The following MAGI3 variants were observed in gnomAD, a reference collection of about 807,000 sequenced individuals.
The protein encoded by MAGI3 is membrane associated guanylate kinase, WW and PDZ domain containing 3.
MAGI3 carries 43 observed loss-of-function variants against 121.8 expected under a neutral mutation model. The ratio of observed to expected loss-of-function variants is 0.35; its 90% CI spans 0.28 to 0.46. The LOEUF is 0.46. Ranked by LOEUF, MAGI3 falls within the 20% of genes least tolerant of loss-of-function variation. The probability of loss-of-function intolerance (pLI) is 1.00; values close to 1 mark genes in which losing one functional copy is unlikely to be tolerated. For missense variants in MAGI3, 1,547 were observed against 1,797.3 expected, an observed-to-expected ratio of 0.86 and a Z score of 2.52; for synonymous variants, 553 against 639.3, an observed-to-expected ratio of 0.86 and a Z score of 2.04.
At chr1:113,586,673 T>C (rs1003037321) in intron 4 of MAGI3, among the ~76,000 whole-genome samples, 5 of 152,218 alleles carry the variant, frequency 3.3e-5, no homozygotes, top group South Asian at 4.1e-4. Flanking sequence ...AATGTTGATA[T>C]CAGCTTTGCT....
chr1:113,666,404 A>G (rs890355250), intron 16 of MAGI3, among the ~76,000 whole-genome samples: 5 of 152,242 alleles, frequency 3.3e-5, no homozygotes, highest in Non-Finnish European at 5.9e-5. Context: ...CAGTGTTCAC[A>G]GCATCTTCAC....
chr1:113,528,745 C>T (rs933765849), intron 1 of MAGI3, among the ~76,000 whole-genome samples: 1 of 152,104 alleles, frequency 6.6e-6, no homozygotes, highest in East Asian at 1.9e-4. Flanking sequence ...AAATGAACAA[C>T]ATAATTACTT....
At chr1:113,654,631 T>G (rs1653370072) in intron 15 of MAGI3, among the ~76,000 whole-genome samples, 1 of 152,158 alleles carries the variant, frequency 6.6e-6, no homozygotes, top group Admixed American at 6.5e-5. Context: ...ATCCAGAAGA[T>G]GAATGTATTT....
intron 2 of MAGI3, among the ~76,000 whole-genome samples, chr1:113,564,583 A>T (rs1660363000): frequency 6.6e-6 from 1 of 151,990 alleles, no homozygotes; most frequent in Non-Finnish European, 1.5e-5. Context: ...ACTTAAGGAG[A>T]CATTGGTTGG....
rs182983223 is a variant in MAGI3 at position 113,543,998 on chromosome 1, G to A, written c.317-5517G>A. On this transcript the variant is annotated intron_variant, in intron 1 of 20. Coordinates refer to ENST00000307546, the MANE Select transcript of MAGI3 (RefSeq NM_001142782.2). ...GGCCTTTAGATAGCTGACAATTTAG[G>A]TTTAACAATGTATATGGTATTTTTG... 3.3e-5 allele frequency among the ~76,000 whole-genome samples: 5 copies of A among 152,136 alleles called. No individual in the cohort carries two copies. The East Asian group carries it at 9.6e-4, about 29-fold the overall frequency.
chr1:113,469,422 C>CT (rs1241912896), intron 1 of MAGI3, among the ~76,000 whole-genome samples: 3 of 152,012 alleles, frequency 2.0e-5, no homozygotes, highest in Non-Finnish European at 2.9e-5. Flanking sequence ...TTTGATGCCT[C>CT]TTTTGCTTTC....
Position 113,649,258 on chromosome 1 carries a change from A to G in MAGI3, c.2177A>G (p.Asp726Gly), listed in dbSNP as rs781617022. 1 of 1,613,416 alleles carries G rather than the reference A, an allele frequency of 6.2e-7. No individual in the cohort carries two copies. The highest frequency in any genetic ancestry group is 1.1e-5 in the South Asian group (1 of 90,892). Residue 726 changes from aspartate (D) to glycine (G), a missense_variant, in exon 13 of 21, where the codon GAT becomes GGT. Coordinates refer to ENST00000307546, the MANE Select transcript of MAGI3 (RefSeq NM_001142782.2). ...TCAGCACCAAACACCAAAGATTTGG[A>G]TGTTTTTCTTCGAAAACAAGAGTCA... Reference protein sequence around the residue: ...EDKPPNTKDLDVFLRKQESGF... With the variant: ...EDKPPNTKDLGVFLRKQESGF...
chr1:113,642,579 T>C, intron 10 of MAGI3, 63 bp downstream of exon 10: 1 of 1,515,674 alleles, frequency 6.6e-7, no homozygotes. Context: ...ACTGATTGTC[T>C]TTCCTTACAG....
Position 113,391,516 on chromosome 1 carries a change from C to G in MAGI3, c.316+167C>G, listed in dbSNP as rs1309996898. 6.6e-6 allele frequency among the ~76,000 whole-genome samples: 1 copy of G among 152,054 alleles called. No homozygotes were observed. Among genetic ancestry groups the G allele is most frequent in the African/African-American group, 2.4e-5 (1 of 41,416 alleles). The stretch of plus-strand genomic sequence containing the variant: ...GGGGAGGGGTGGCGTTGGTGAGTCC[C>G]ATTTTGCCGAAGGGAAAACTGAGCT... On this transcript the variant is annotated intron_variant, in intron 1 of 20. Coordinates refer to ENST00000307546, the MANE Select transcript of MAGI3 (RefSeq NM_001142782.2). The surrounding 1 kb of genome is among the most constrained non-coding windows in gnomAD (Gnocchi z 4.4).
rs1052017586 is a variant in MAGI3 at position 113,486,938 on chromosome 1, T to G, written c.317-62577T>G. 6.0e-4 allele frequency among the ~76,000 whole-genome samples: 91 copies of G among 152,180 alleles called. 1 individual carries two copies. The highest frequency in any genetic ancestry group is 1.2e-4 in the Non-Finnish European group (8 of 68,020). ...GTTGCCCAGGCTGGTTGCAAACTCT[T>G]GGCCTCAAGCAATACTCCTGCCTTG... On this transcript the variant is annotated intron_variant, in intron 1 of 20. Coordinates refer to ENST00000307546, the MANE Select transcript of MAGI3 (RefSeq NM_001142782.2).
intron 1 of MAGI3, among the ~76,000 whole-genome samples, chr1:113,538,566 A>G (rs1464508041): frequency 6.6e-6 from 1 of 152,206 alleles, no homozygotes; most frequent in Non-Finnish European, 1.5e-5. Flanking sequence ...CTAAATGTTC[A>G]TAATCCCATA....
chr1:113,526,183 C>T (rs1658439500), intron 1 of MAGI3, among the ~76,000 whole-genome samples: 1 of 152,056 alleles, frequency 6.6e-6, no homozygotes, highest in Non-Finnish European at 1.5e-5. Context: ...TTCCTGTTCT[C>T]CTAATGTTTG....
intron 1 of MAGI3, among the ~76,000 whole-genome samples, chr1:113,452,320 G>T (rs939789246): frequency 3.3e-5 from 5 of 152,046 alleles, no homozygotes; most frequent in African/African-American, 9.7e-5. Flanking sequence ...CTTCATTGCA[G>T]AATTTTAGTC....
chr1:113,503,358 G>A (rs183489659), intron 1 of MAGI3, among the ~76,000 whole-genome samples: 55 of 132,014 alleles, frequency 4.2e-4, no homozygotes, highest in Non-Finnish European at 5.0e-4. Flanking sequence ...AACCAGATTC[G>A]AGAAAACAGT....
intron 1 of MAGI3, among the ~76,000 whole-genome samples, chr1:113,432,018 G>A (rs190330658): frequency 6.6e-6 from 1 of 152,282 alleles, no homozygotes; most frequent in Admixed American, 6.5e-5. Flanking sequence ...GACTAGTGAA[G>A]CAGAATATAG....
chr1:113,555,425 TA>T (rs1659947380), intron 2 of MAGI3, among the ~76,000 whole-genome samples: 1 of 152,136 alleles, frequency 6.6e-6, no homozygotes, highest in Non-Finnish European at 1.5e-5. Flanking sequence ...AAAACATCAG[TA>T]AGGTAATAGA....
intron 2 of MAGI3, among the ~76,000 whole-genome samples, chr1:113,555,607 T>G (rs1452354294): frequency 6.6e-6 from 1 of 152,132 alleles, no homozygotes; most frequent in Non-Finnish European, 1.5e-5. Context: ...GATTTAGACT[T>G]AAATCATATG....
intron 16 of MAGI3, among the ~76,000 whole-genome samples, chr1:113,671,032 C>T (rs953121304): frequency 7.9e-5 from 12 of 152,192 alleles, no homozygotes; most frequent in African/African-American, 2.9e-4. Context: ...ATTGTCGCCT[C>T]CTTGCCATCT....
chr1:113,671,984 C>G (rs1331310663), intron 17 of MAGI3, 148 bp downstream of exon 17: 3 of 697,752 alleles, frequency 4.3e-6, no homozygotes, highest in Non-Finnish European at 5.0e-6. Flanking sequence ...CTTGCCTGTT[C>G]CTCAAATACC....
Sources: allele counts gnomAD v4.1 joint callset (sites outside exome capture counted in the v4.1 genomes callset), GRCh38; gene constraint gnomAD v4.1.1; non-coding constraint Gnocchi (gnomAD v3.1); transcripts MANE v1.5; gene names NCBI Gene and HGNC (gene_info 2026-07-23, HGNC 2026-07-21).